The following ANO3 variants were observed in gnomAD, a reference collection of about 807,000 sequenced individuals.
ANO3 encodes anoctamin 3.
ANO3 carries 99 observed loss-of-function variants against 144.8 expected under a neutral mutation model. The observed-to-expected ratio is 0.68, with a 90% confidence interval of 0.58 to 0.81. The LOEUF (loss-of-function observed/expected upper bound fraction) is 0.81. Ranked by LOEUF, ANO3 falls within the 30% of genes least tolerant of loss-of-function variation. The pLI is 0.00. For missense variants in ANO3, 905 were observed against 1,202.2 expected (o/e 0.75, Z 3.66); for synonymous variants, 414 against 392.6 (o/e 1.05, Z -0.64).
In ANO3 at chr11:26,662,505, C is replaced by T. The variant is rs1022228061; in HGVS notation, c.*2061C>T. 2 of 151,964 alleles carry T rather than the reference C, an allele frequency of 1.3e-5. No homozygotes were observed. Among genetic ancestry groups the T allele is most frequent in the African/African-American group, 4.8e-5 (2 of 41,396 alleles). 9.4% of individuals were successfully genotyped at this position (151,964 alleles called of 1,614,324 possible). A position where few individuals can be genotyped will look rare whatever the true frequency, so the allele number is the denominator to read the frequency against. On this transcript the variant is annotated 3_prime_UTR_variant, in exon 27 of 27. Transcript: ENST00000256737. Reference sequence around the variant, plus strand: ...ACCAACATCTTTTCCAAATTAGGGCCACAGAACAGCAACATTTGTCTGACA... The same window carrying T: ...ACCAACATCTTTTCCAAATTAGGGCTACAGAACAGCAACATTTGTCTGACA...
chr11:26,295,684 G>A (rs1489733334), intron 1 of ANO3, among the ~76,000 whole-genome samples: 1 of 152,044 alleles, frequency 6.6e-6, no homozygotes, highest in Non-Finnish European at 1.5e-5. Flanking sequence ...GTGAAATAGA[G>A]CACCTCATAT....
At chr11:26,564,164 C>T (rs961008183) in intron 14 of ANO3, among the ~76,000 whole-genome samples, 5 of 151,470 alleles carry the variant, frequency 3.3e-5, no homozygotes, top group Non-Finnish European at 7.4e-5. Flanking sequence ...ACTCAGTATT[C>T]TCAATATGTA....
intron 1 of ANO3, among the ~76,000 whole-genome samples, chr11:26,292,552 A>C (rs1853984917): frequency 6.6e-6 from 1 of 151,984 alleles, no homozygotes; most frequent in Non-Finnish European, 1.5e-5. Flanking sequence ...TGTGGTTTTT[A>C]TCTACCTTTC....
At chr11:26,239,542 T>G (rs1482935341) in intron 1 of ANO3, among the ~76,000 whole-genome samples, 3 of 152,178 alleles carry the variant, frequency 2.0e-5, no homozygotes, top group Non-Finnish European at 4.4e-5. Context: ...ACAAACATCA[T>G]CTCAACAAAG....
At chr11:26,635,421 T>A (rs1852924116) in intron 20 of ANO3, among the ~76,000 whole-genome samples, 1 of 152,154 alleles carries the variant, frequency 6.6e-6, no homozygotes, top group South Asian at 2.1e-4. Context: ...CCAAAAGACA[T>A]CATACTGGAA....
chr11:26,339,082 A>T (rs559111573), intron 1 of ANO3, among the ~76,000 whole-genome samples: 1 of 152,000 alleles, frequency 6.6e-6, no homozygotes, highest in East Asian at 1.9e-4. Context: ...ACTTACATGC[A>T]TTGCAAGTTA....
At chr11:26,424,507 T>A (rs1453129211) in intron 1 of ANO3, among the ~76,000 whole-genome samples, 1 of 151,990 alleles carries the variant, frequency 6.6e-6, no homozygotes, top group Non-Finnish European at 1.5e-5. Context: ...CTAAGAGCAT[T>A]TTACTCTCAG....
intron 24 of ANO3, among the ~76,000 whole-genome samples, chr11:26,651,355 A>C (rs1853526172): frequency 6.6e-6 from 1 of 152,218 alleles, no homozygotes; most frequent in Admixed American, 6.5e-5. Flanking sequence ...TGTCAATGAA[A>C]AATATCCACA....
chr11:26,595,892 G>T (rs1046349310), intron 14 of ANO3, among the ~76,000 whole-genome samples: 1 of 152,284 alleles, frequency 6.6e-6, no homozygotes, highest in African/African-American at 2.4e-5. Flanking sequence ...TTCCTCTAAA[G>T]GTTATTTTTC....
chr11:26,629,302 C>T (rs1343211958), intron 18 of ANO3, among the ~76,000 whole-genome samples: 1 of 152,126 alleles, frequency 6.6e-6, no homozygotes, highest in African/African-American at 2.4e-5. Context: ...CAGAGCTCGC[C>T]TCTGTGAAAC....
intron 1 of ANO3, among the ~76,000 whole-genome samples, chr11:26,364,844 T>C (rs570165140): frequency 6.6e-6 from 1 of 152,302 alleles, no homozygotes; most frequent in South Asian, 2.1e-4. Flanking sequence ...TATATCATTC[T>C]GCACCTGCCC....
At chr11:26,207,387 T>C (rs930604493) in intron 1 of ANO3, among the ~76,000 whole-genome samples, 11 of 152,190 alleles carry the variant, frequency 7.2e-5, no homozygotes, top group Non-Finnish European at 1.6e-4. Context: ...GTACTTACGG[T>C]CCAATTGCCT....
chr11:26,245,012 T>TGC (rs1469756934), intron 1 of ANO3, among the ~76,000 whole-genome samples: 46 of 141,004 alleles, frequency 3.3e-4, no homozygotes, highest in African/African-American at 6.6e-4. Context: ...TGTGTGTGTG[T>TGC]GTGTGTGTGC....
At chr11:26,286,580 G>A (rs559902869) in intron 1 of ANO3, among the ~76,000 whole-genome samples, 29 of 152,262 alleles carry the variant, frequency 1.9e-4, no homozygotes, top group African/African-American at 6.5e-4. Flanking sequence ...GATATGAATT[G>A]CCTTGGGATC....
At chr11:26,589,711 G>A (rs1477297048) in intron 14 of ANO3, among the ~76,000 whole-genome samples, 3 of 152,238 alleles carry the variant, frequency 2.0e-5, no homozygotes, top group South Asian at 2.1e-4. Flanking sequence ...GATCATACAT[G>A]AGCAGACCAT....
intron 14 of ANO3, among the ~76,000 whole-genome samples, chr11:26,566,875 C>A (rs1023634858): frequency 1.3e-5 from 2 of 151,892 alleles, no homozygotes; most frequent in Non-Finnish European, 1.5e-5. Context: ...TAATTAACTT[C>A]AGAGTGTTGT....
At chr11:26,248,751 T>C (rs1409104338) in intron 1 of ANO3, among the ~76,000 whole-genome samples, 2 of 152,184 alleles carry the variant, frequency 1.3e-5, no homozygotes, top group Non-Finnish European at 2.9e-5. Context: ...TGTTTGTTTG[T>C]TTTTGCCTTT....
chr11:26,340,192 G>A (rs1590274130), intron 1 of ANO3, among the ~76,000 whole-genome samples: 2 of 152,274 alleles, frequency 1.3e-5, no homozygotes, highest in South Asian at 4.1e-4. Flanking sequence ...TATTTTGTTG[G>A]TGCACAAGTA....
In ANO3 at chr11:26,624,512, TCTTA is replaced by T. The variant is rs1397322111; in HGVS notation, c.1873+18_1873+21del. The T allele has an allele frequency of 1.3e-6, 2 of 1,593,710 alleles. No homozygotes were observed. The highest frequency in any genetic ancestry group is 1.7e-5 in the Admixed American group (1 of 59,640). ...TCACCAATTTAGGTAAGTCCATTTT[TCTTA>T]CTTCACTCCTTAGTCAGAAAATAAC... On this transcript the variant is annotated intron_variant, in intron 18 of 26. Coordinates refer to ENST00000256737, the MANE Select transcript of ANO3 (RefSeq NM_031418.4).
Sources: allele counts gnomAD v4.1 joint callset (sites outside exome capture counted in the v4.1 genomes callset), GRCh38; gene constraint gnomAD v4.1.1; transcripts MANE v1.5; gene names NCBI Gene and HGNC (gene_info 2026-07-23, HGNC 2026-07-21).